Variants in ST6GAL1 observed in about 807,000 individuals in gnomAD.
ST6GAL1 encodes the protein ST6 beta-galactoside alpha-2,6-sialyltransferase 1, also known as beta-galactoside alpha-2,6-sialyltransferase 1.
ST6GAL1 carries 20 observed loss-of-function variants against 38.0 expected under a neutral mutation model. That is an observed-to-expected ratio of 0.53 (90% CI 0.37 to 0.77). The LOEUF (loss-of-function observed/expected upper bound fraction) is 0.77, where lower values mean the gene tolerates loss of function less well. Among genes scored for constraint, ST6GAL1 ranks in the 30% least tolerant of loss-of-function variants. The pLI is 0.00. For synonymous variants in ST6GAL1, 196 were observed against 188.2 expected (o/e 1.04, Z -0.34); for missense variants, 432 against 496.4 (o/e 0.87, Z 1.23).
intron 1 of ST6GAL1, among the ~76,000 whole-genome samples, chr3:186,933,775 G>C (rs569124146): frequency 6.6e-6 from 1 of 152,368 alleles, no homozygotes; most frequent in South Asian, 2.1e-4. Context: ...ACCAGTAGTT[G>C]TTGGTACTCC....
intron 5 of ST6GAL1, among the ~76,000 whole-genome samples, chr3:187,071,174 A>G (rs755422987): frequency 2.0e-5 from 3 of 152,080 alleles, no homozygotes; most frequent in Non-Finnish European, 4.4e-5. Context: ...TATTGTCATG[A>G]TTCTTGCTTT....
chr3:187,028,460 CATT>C (rs1717622393), intron 2 of ST6GAL1, among the ~76,000 whole-genome samples: 1 of 152,136 alleles, frequency 6.6e-6, no homozygotes. Flanking sequence ...AATGACATTG[CATT>C]ATTTTCATAT....
chr3:186,955,350 T>G (rs759150814), intron 1 of ST6GAL1, among the ~76,000 whole-genome samples: 7 of 148,964 alleles, frequency 4.7e-5, no homozygotes, highest in African/African-American at 7.4e-5. Context: ...TAAAGTAGTT[T>G]TTTTTCTAAT....
intron 2 of ST6GAL1, among the ~76,000 whole-genome samples, chr3:187,016,841 T>G (rs889030701): frequency 4.6e-5 from 7 of 152,196 alleles, no homozygotes; most frequent in Non-Finnish European, 5.9e-5. Flanking sequence ...GCAGCCGTGT[T>G]GCTGCCTCTT....
intron 4 of ST6GAL1, among the ~76,000 whole-genome samples, chr3:187,046,371 A>C (rs1718297193): frequency 6.6e-6 from 1 of 152,168 alleles, no homozygotes; most frequent in East Asian, 1.9e-4. Context: ...GTGTGTGTGG[A>C]TTTCCCTGGG....
intron 2 of ST6GAL1, among the ~76,000 whole-genome samples, chr3:187,002,795 C>T (rs945420635): frequency 6.6e-6 from 1 of 152,028 alleles, no homozygotes; most frequent in Non-Finnish European, 1.5e-5. Context: ...TTACCCTTAC[C>T]CAGAAAATTC....
At chr3:186,987,517 C>T (rs1715990922) in intron 2 of ST6GAL1, among the ~76,000 whole-genome samples, 1 of 152,130 alleles carries the variant, frequency 6.6e-6, no homozygotes, top group Non-Finnish European at 1.5e-5. Context: ...TTCCCCAGCA[C>T]CCAGCATAGT....
intron 5 of ST6GAL1, among the ~76,000 whole-genome samples, chr3:187,053,130 C>T (rs1718572610): frequency 6.6e-6 from 1 of 152,132 alleles, no homozygotes; most frequent in Non-Finnish European, 1.5e-5. Context: ...CTTTTGCCCA[C>T]TTTTTGATGG....
At chr3:187,028,495 T>C (rs990773578) in intron 2 of ST6GAL1, among the ~76,000 whole-genome samples, 1 of 152,236 alleles carries the variant, frequency 6.6e-6, no homozygotes, top group Non-Finnish European at 1.5e-5. Flanking sequence ...ATTTTTTGGC[T>C]GGAGTATTTT....
rs867117122 is a variant in ST6GAL1, at chr3:186,972,099, A to G, written c.-183+8173A>G. 7.9e-5 allele frequency among the ~76,000 whole-genome samples: 12 copies of G among 152,206 alleles called. No individual in the cohort carries two copies. In the South Asian group the frequency reaches 1.2e-3, roughly 16 times the overall value. ...CTTAATCCCCATGACAACCCTAAGAATTGGGTACAATTTATAACTCCATTT... is the reference window on the plus strand; with the variant it reads ...CTTAATCCCCATGACAACCCTAAGAGTTGGGTACAATTTATAACTCCATTT... On this transcript the variant is annotated intron_variant, in intron 2 of 7. Coordinates refer to ENST00000169298, the MANE Select transcript of ST6GAL1 (RefSeq NM_173216.2).
chr3:187,057,298 A>G (rs1579368499), intron 5 of ST6GAL1, among the ~76,000 whole-genome samples: 1 of 152,114 alleles, frequency 6.6e-6, no homozygotes, highest in Admixed American at 6.5e-5. Flanking sequence ...TCTGAAGCCT[A>G]CTTCTGTCAG....
chr3:186,967,910 C>T (rs1260434813), intron 2 of ST6GAL1, among the ~76,000 whole-genome samples: 6 of 152,234 alleles, frequency 3.9e-5, no homozygotes, highest in African/African-American at 1.4e-4. Flanking sequence ...AGCCCACTTC[C>T]TGCCTTAGCC....
At chr3:187,036,934 G>A (rs16861533) in intron 2 of ST6GAL1, among the ~76,000 whole-genome samples, 19,882 of 152,092 alleles carry the variant, frequency 0.13, 1,423 homozygotes, top group East Asian at 0.24. Flanking sequence ...CTTTGTGTGC[G>A]TATTGCTTTA....
At chr3:187,068,341 C>CAAAAA (rs112868643) in intron 5 of ST6GAL1, among the ~76,000 whole-genome samples, 2 of 87,836 alleles carry the variant, frequency 2.3e-5, no homozygotes. Context: ...GACTCCATCT[C>CAAAAA]AAAAAAAAAA....
At chr3:187,013,024 T>G (rs762176202) in intron 2 of ST6GAL1, among the ~76,000 whole-genome samples, 1 of 152,154 alleles carries the variant, frequency 6.6e-6, no homozygotes. Context: ...CAGGGAGAAT[T>G]TAACAATGTT....
At position 186,958,671 on chromosome 3, in the gene ST6GAL1, G is replaced by A. The variant is rs531343268; in HGVS notation, c.-324-5114G>A. On this transcript the variant is annotated intron_variant, in intron 1 of 7. Transcript: ENST00000169298. The stretch of plus-strand genomic sequence containing the variant: ...TTTGATTTAAAAAAGGGCTCAATGT[G>A]CCGGGTGCTGTGGCTCATGCCTGTA... Among the ~76,000 whole-genome samples the A allele has an allele frequency of 5.9e-5, 9 of 152,286 alleles. No homozygotes were observed. The South Asian group carries it at 1.9e-3, about 32-fold the overall frequency.
At chr3:187,041,308 C>T (rs1160598553) in intron 3 of ST6GAL1, among the ~76,000 whole-genome samples, 1 of 152,178 alleles carries the variant, frequency 6.6e-6, no homozygotes, top group Non-Finnish European at 1.5e-5. Context: ...CTACCTTTTC[C>T]TGATATCCTT....
chr3:187,022,364 T>C lies in ST6GAL1; in HGVS notation c.-182-16378T>C, dbSNP rs1188732682. 2.6e-5 allele frequency among the ~76,000 whole-genome samples: 4 copies of C among 151,154 alleles called. No homozygotes were observed. The East Asian group carries it at 5.8e-4, about 22-fold the overall frequency. ...TTTCCCTACACAGGGACTTGGGGGG[T>C]AGAGGGTTAGGGGAGGGCTGAGGGG... On this transcript the variant is annotated intron_variant, in intron 2 of 7. Transcript: ENST00000169298.
chr3:187,017,406 A>G (rs187524042), intron 2 of ST6GAL1, among the ~76,000 whole-genome samples: 4 of 147,454 alleles, frequency 2.7e-5, no homozygotes, highest in Non-Finnish European at 4.5e-5. Flanking sequence ...ATTAATGCCC[A>G]GGTAAGATAG....
Sources: gnomAD v4.1 joint callset for allele counts (sites outside exome capture counted in the v4.1 genomes callset) on GRCh38, gnomAD v4.1.1 for gene constraint, MANE v1.5 for transcripts, NCBI Gene and HGNC (gene_info 2026-07-23, HGNC 2026-07-21) for gene names.